DPF3: variants seen among roughly 807,000 people sequenced by gnomAD.
DPF3 encodes zinc finger protein DPF3.
Under a neutral mutation model 56.8 loss-of-function variants are expected in DPF3, and 18 were observed. That is an observed-to-expected ratio of 0.32 (90% CI 0.22 to 0.47). The LOEUF (loss-of-function observed/expected upper bound fraction) is 0.47, where lower values mean the gene tolerates loss of function less well. Among genes scored for constraint, DPF3 ranks in the 20% least tolerant of loss-of-function variants. DPF3 has a pLI of 1.00. For missense variants in DPF3, 403 were observed against 488.8 expected, an observed-to-expected ratio of 0.82 and a Z score of 1.65; for synonymous variants, 188 against 180.2, an observed-to-expected ratio of 1.04 and a Z score of -0.35.
At chr14:72,696,813 G>A (rs1221272442) in intron 6 of DPF3, among the ~76,000 whole-genome samples, 1 of 152,242 alleles carries the variant, frequency 6.6e-6, no homozygotes, top group Non-Finnish European at 1.5e-5. Flanking sequence ...CAACCTGTTA[G>A]AGATGCAAAC....
chr14:72,818,446 A>G (rs1300219021), intron 1 of DPF3, among the ~76,000 whole-genome samples: 1 of 152,116 alleles, frequency 6.6e-6, no homozygotes, highest in Admixed American at 6.6e-5. Context: ...CTGGGAGACC[A>G]AGACGGGAGG....
chr14:72,765,901 G>A (rs977991966), intron 2 of DPF3, among the ~76,000 whole-genome samples: 5 of 152,066 alleles, frequency 3.3e-5, no homozygotes, highest in Admixed American at 6.5e-5. Flanking sequence ...GCAACAAGGC[G>A]AGACTCCATC....
chr14:72,852,102 G>A (rs1397850092), intron 1 of DPF3, among the ~76,000 whole-genome samples: 2 of 152,248 alleles, frequency 1.3e-5, no homozygotes, highest in Non-Finnish European at 2.9e-5. Context: ...GGAGCACCGG[G>A]CTTTCAGCCC....
intron 1 of DPF3, among the ~76,000 whole-genome samples, chr14:72,779,307 C>A: frequency 6.6e-6 from 1 of 152,322 alleles, no homozygotes. Context: ...CTCCTGTAGT[C>A]CTCATCACCC....
chr14:72,645,267 T>C (rs1353270414), intron 8 of DPF3, among the ~76,000 whole-genome samples: 1 of 152,058 alleles, frequency 6.6e-6, no homozygotes, highest in African/African-American at 2.4e-5. Context: ...ACTTCTGTCT[T>C]CAAAGCAAAC....
At chr14:72,843,377 G>C (rs948488360) in intron 1 of DPF3, among the ~76,000 whole-genome samples, 1 of 152,148 alleles carries the variant, frequency 6.6e-6, no homozygotes, top group African/African-American at 2.4e-5. Context: ...TGAATGAGGG[G>C]AAAAAGGCGT....
rs960865944 is a variant in DPF3, at chr14:72,852,869, G to C, written c.32+41188C>G. ...TAAACAGAGCCCGTGCCACATGCAA[G>C]TTATAGGTTTATTGGAGACATTTAA... On this transcript the variant is annotated intron_variant, in intron 1 of 10. Coordinates refer to ENST00000556509, the MANE Select transcript of DPF3 (RefSeq NM_001280542.3). Among the ~76,000 whole-genome samples the C allele has an allele frequency of 6.6e-5, 10 of 152,172 alleles. No homozygotes were observed. The East Asian group carries it at 1.9e-3, about 29-fold the overall frequency.
intron 2 of DPF3, among the ~76,000 whole-genome samples, chr14:72,770,930 G>A (rs1781723655): frequency 6.6e-6 from 1 of 152,150 alleles, no homozygotes; most frequent in Non-Finnish European, 1.5e-5. Context: ...TGTAATCCCA[G>A]CACTATGGGA....
intron 1 of DPF3, among the ~76,000 whole-genome samples, chr14:72,773,172 G>A (rs1179784156): frequency 1.1e-4 from 16 of 143,770 alleles, no homozygotes; most frequent in African/African-American, 2.3e-4. Flanking sequence ...TCACTCCGTC[G>A]CCCAGGCTGG....
chr14:72,756,892 AGAAAG>A (rs1203155135), intron 2 of DPF3, among the ~76,000 whole-genome samples: 69 of 113,440 alleles, frequency 6.1e-4, no homozygotes, highest in South Asian at 3.9e-3. Context: ...AAGGAAAGAA[AGAAAG>A]AAAAGAAAAA....
intron 3 of DPF3, among the ~76,000 whole-genome samples, chr14:72,734,012 G>A (rs1889783915): frequency 6.6e-6 from 1 of 152,124 alleles, no homozygotes; most frequent in Admixed American, 6.5e-5. Flanking sequence ...CCATCAAGGA[G>A]CGCTACCACG....
At chr14:72,793,669 G>A (rs12435382) in intron 1 of DPF3, among the ~76,000 whole-genome samples, 20,904 of 152,230 alleles carry the variant, frequency 0.14, 1,589 homozygotes, top group Middle Eastern at 0.31. Context: ...AAGATGGGGT[G>A]GGGAAGCCCC....
chr14:72,611,920 C>T lies in DPF3; in HGVS notation c.*7377G>A, dbSNP rs1883751354. The stretch of plus-strand genomic sequence containing the variant: ...CCTTCCGTGATGGCGCGATACTTGA[C>T]CTACAATCACGATTGCTTGGCAGAG... On this transcript the variant is annotated 3_prime_UTR_variant, in exon 11 of 11. Transcript: ENST00000556509. Among the ~76,000 whole-genome samples the T allele has an allele frequency of 6.6e-6, 1 of 152,138 alleles. No individual in the cohort carries two copies. Among genetic ancestry groups the T allele is most frequent in the Non-Finnish European group, 1.5e-5 (1 of 68,032 alleles).
chr14:72,716,142 A>G (rs1410215384), intron 5 of DPF3, among the ~76,000 whole-genome samples: 1 of 151,784 alleles, frequency 6.6e-6, no homozygotes, highest in Non-Finnish European at 1.5e-5. Flanking sequence ...GGGCTCTGGG[A>G]GACTAAAAAT....
chr14:72,839,118 G>A (rs919862249), intron 1 of DPF3, among the ~76,000 whole-genome samples: 9 of 151,056 alleles, frequency 6.0e-5, no homozygotes, highest in East Asian at 2.0e-4. Context: ...ACGGGGCTTC[G>A]CCATGTTGGC....
chr14:72,661,404 A>T, intron 8 of DPF3: 1 of 985,402 alleles, frequency 1.0e-6, no homozygotes, highest in Middle Eastern at 5.2e-4. Context: ...CTGTGACTCA[A>T]GGACCTCTGC....
chr14:72,713,661 G>C (rs148599762), intron 6 of DPF3, among the ~76,000 whole-genome samples: 2 of 152,292 alleles, frequency 1.3e-5, no homozygotes, highest in South Asian at 4.1e-4. Context: ...AATGGTACCC[G>C]GTACAGTGAG....
intron 8 of DPF3, chr14:72,670,591 G>A: frequency 2.0e-6 from 2 of 986,802 alleles, no homozygotes; most frequent in Non-Finnish European, 2.4e-6. Flanking sequence ...CCACCGGGCG[G>A]CTTGCCTCTA....
chr14:72,851,439 G>T (rs1429879847), intron 1 of DPF3, among the ~76,000 whole-genome samples: 2 of 152,100 alleles, frequency 1.3e-5, no homozygotes, highest in African/African-American at 4.8e-5. Context: ...GTAGGTTGCC[G>T]TTTCCATTTC....
Sources: gnomAD v4.1 joint callset for allele counts (sites outside exome capture counted in the v4.1 genomes callset) on GRCh38, gnomAD v4.1.1 for gene constraint, MANE v1.5 for transcripts, NCBI Gene and HGNC (gene_info 2026-07-23, HGNC 2026-07-21) for gene names.